The following ANGPTL3 variants were observed in gnomAD, a reference collection of about 807,000 sequenced individuals.
The protein encoded by ANGPTL3 is angiopoietin like 3, also known as angiopoietin-related protein 3.
Under a neutral mutation model 52.7 loss-of-function variants are expected in ANGPTL3, and 51 were observed. The observed-to-expected ratio is 0.97, with a 90% CI of 0.77 to 1.22. The LOEUF (loss-of-function observed/expected upper bound fraction) is 1.22. Ranked by LOEUF, ANGPTL3 falls within the 50% of genes most tolerant of loss-of-function variation. ANGPTL3 has a pLI of 0.00. For synonymous variants in ANGPTL3, 185 were observed against 179.8 expected, an observed-to-expected ratio of 1.03 and a Z score of -0.23; for missense variants, 506 against 520.7, an observed-to-expected ratio of 0.97 and a Z score of 0.27.
At chr1:62,602,943 A>ATT (rs1432089566) in intron 5 of ANGPTL3, among the ~76,000 whole-genome samples, 1 of 151,774 alleles carries the variant, frequency 6.6e-6, no homozygotes, top group African/African-American at 2.4e-5. Context: ...AAAATAACAG[A>ATT]TGTTTAAAAT....
chr1:62,604,532 T>C, intron 6 of ANGPTL3, 101 bp from the exon 7 acceptor site: 1 of 1,251,110 alleles, frequency 8.0e-7, no homozygotes, highest in Non-Finnish European at 1.2e-6. Flanking sequence ...TCTAAAACAC[T>C]GTAATATTTA....
Position 62,601,033 on chromosome 1 carries a change from TTG to T in ANGPTL3, c.607-47_607-46del, listed in dbSNP as rs72649577. On this transcript the variant is annotated intron_variant, in intron 2 of 6. Transcript: ENST00000371129. ...ACATCCTTACTCAGATTTCCCCTAA[TTG>T]TATATTCAGTATCATTTTAAAAAAC... The T allele has an allele frequency of 0.03, 32,523 of 1,073,510 alleles. 618 individuals are homozygous for T. Among genetic ancestry groups the T allele is most frequent in the Non-Finnish European group, 0.034 (23,796 of 690,810 alleles). The allele number at this position is 1,073,510 out of a possible 1,614,324, so 66.5% of individuals were successfully genotyped here. A position where few individuals can be genotyped will look rare whatever the true frequency, so the allele number is the denominator to read the frequency against.
intron 1 of ANGPTL3, 140 bp from the exon 2 acceptor site, chr1:62,598,556 C>T: frequency 1.6e-6 from 1 of 630,200 alleles, no homozygotes; most frequent in South Asian, 1.9e-5. Context: ...TTGAAAGAAG[C>T]ATACAAGGGG....
rs943295099 is a variant in ANGPTL3, at chr1:62,602,686, T to C, written c.931+306T>C. Among the ~76,000 whole-genome samples, 18 of 151,712 alleles carry C rather than the reference T, an allele frequency of 1.2e-4. 1 individual carries two copies. The highest frequency in any genetic ancestry group is 6.6e-4 in the Admixed American group (10 of 15,224). ...ACAATTTTGATTAAATGTTATGTCA[T>C]AAGTAGTAACTGTTACAAATAAGCT... On this transcript the variant is annotated intron_variant, in intron 5 of 6. Coordinates refer to ENST00000371129, the MANE Select transcript of ANGPTL3 (RefSeq NM_014495.4).
At chr1:62,601,047 T>A (rs375486098) in intron 2 of ANGPTL3, 35 bp from the exon 3 acceptor site, 91 of 1,245,378 alleles carry the variant, frequency 7.3e-5, no homozygotes, top group South Asian at 6.6e-4. Flanking sequence ...ATATTCAGTA[T>A]CATTTTAAAA....
chr1:62,604,865 A>T lies in ANGPTL3; in HGVS notation c.*48A>T. On this transcript the variant is annotated 3_prime_UTR_variant, in exon 7 of 7. Transcript: ENST00000371129. ...ATAATTTAAACATTAACCTCATTCC[A>T]AGTTAATGTGGTCTAATAATCTGGT... The T allele has an allele frequency of 3.9e-6, 6 of 1,536,370 alleles. No individual in the cohort carries two copies. The highest frequency in any genetic ancestry group is 4.5e-6 in the Non-Finnish European group (5 of 1,122,736).
In ANGPTL3 at chr1:62,604,183, T is replaced by C; in HGVS notation, c.1146T>C (p.Ser382=). The part of the protein sequence containing the change: ...AIPENKDLVF[S]TWDHKAKGHF... Reference sequence around the variant, plus strand: ...CGGAAAACAAAGATTTGGTGTTTTCTACTTGGGATCACAAAGCAAAAGGAC... The same window carrying C: ...CGGAAAACAAAGATTTGGTGTTTTCCACTTGGGATCACAAAGCAAAAGGAC... Residue 382 remains serine (S), a synonymous_variant, in exon 6 of 7, where the codon TCT becomes TCC. Coordinates refer to ENST00000371129, the MANE Select transcript of ANGPTL3 (RefSeq NM_014495.4). 1 of 1,613,400 alleles carries C rather than the reference T, an allele frequency of 6.2e-7. No homozygotes were observed. The highest frequency in any genetic ancestry group is 8.5e-7 in the Non-Finnish European group (1 of 1,179,460).
At position 62,601,856 on chromosome 1, in the gene ANGPTL3, T is replaced by C; in HGVS notation, c.809T>C (p.Phe270Ser). The C allele has an allele frequency of 6.2e-7, 1 of 1,609,420 alleles. No individual in the cohort carries two copies. Among genetic ancestry groups the C allele is most frequent in the Non-Finnish European group, 8.5e-7 (1 of 1,176,542 alleles). ...YAIRPSNSQV[F>S]HVYCDVISGS... ...ATCAGACCCAGCAACTCTCAAGTTT[T>C]TCATGTCTACTGTGATGTTATATCA... The change falls in exon 4 of 7, where the codon TTT (phenylalanine) becomes TCT (serine). Residue 270 changes from phenylalanine to serine, a missense_variant. Physicochemically the swap from Phe to Ser is radical, Grantham distance 155 (BLOSUM62 -2). Coordinates refer to ENST00000371129, the MANE Select transcript of ANGPTL3 (RefSeq NM_014495.4).
chr1:62,604,224 A>G lies in ANGPTL3; in HGVS notation c.1187A>G (p.Glu396Gly), dbSNP rs763633329. Residue 396 changes from glutamate (E) to glycine (G), a missense_variant, in exon 6 of 7, where the codon GAG becomes GGG. Coordinates refer to ENST00000371129, the MANE Select transcript of ANGPTL3 (RefSeq NM_014495.4). Reference protein sequence around the residue: ...HKAKGHFNCPEGYSGGWWWHD... With the variant: ...HKAKGHFNCPGGYSGGWWWHD... ...GCAAAAGGACACTTCAACTGTCCAG[A>G]GGGTTATTCAGGTATCTTTTTCTGA... The G allele has an allele frequency of 8.7e-6, 14 of 1,613,018 alleles. No individual in the cohort carries two copies. The highest frequency in any genetic ancestry group is 1.1e-5 in the Non-Finnish European group (13 of 1,179,284).
In ANGPTL3 at chr1:62,603,952, A is replaced by G; in HGVS notation, c.932-17A>G. 6.2e-7 allele frequency: 1 copy of G among 1,611,286 alleles called. No homozygotes were observed. Among genetic ancestry groups the G allele is most frequent in the Admixed American group, 1.7e-5 (1 of 59,892 alleles). On this transcript the variant is annotated splice_polypyrimidine_tract_variant and intron_variant, in intron 5 of 6. Coordinates refer to ENST00000371129, the MANE Select transcript of ANGPTL3 (RefSeq NM_014495.4). ...TGTACTTAATAACTCACAGATTTTT[A>G]AAACTTTTCTTTTCAGGAGAATTTT...
rs1397808641 is a variant in ANGPTL3 at position 62,597,883 on chromosome 1, T to A, written c.317T>A (p.Leu106Gln). The A allele has an allele frequency of 1.3e-6, 2 of 1,576,488 alleles. No individual in the cohort carries two copies. The highest frequency in any genetic ancestry group is 1.9e-5 in the Admixed American group (1 of 51,890). ...GAACTGAGAAGAACTACATATAAAC[T>A]ACAAGTCAAAAATGAAGAGGTAAAG... ...EKELRRTTYK[L>Q]QVKNEEVKNM... is the part of the protein sequence containing the mutation. Residue 106 changes from leucine to glutamine, a missense_variant, in exon 1 of 7, where the codon CTA becomes CAA. Coordinates refer to ENST00000371129, the MANE Select transcript of ANGPTL3 (RefSeq NM_014495.4).
chr1:62,602,944 T>A (rs1252973172), intron 5 of ANGPTL3, among the ~76,000 whole-genome samples: 1 of 151,722 alleles, frequency 6.6e-6, no homozygotes, highest in Admixed American at 6.6e-5. Flanking sequence ...AAATAACAGA[T>A]GTTTAAAATC....
At chr1:62,598,502 T>C (rs146285071) in intron 1 of ANGPTL3, among the ~76,000 whole-genome samples, 194 bp from the exon 2 acceptor site, 64 of 152,166 alleles carry the variant, frequency 4.2e-4, no homozygotes, top group Admixed American at 1.3e-3. Context: ...ATTTTAGAGA[T>C]AGTACAATTT....
At chr1:62,601,015 TA>T (rs1650034175) in intron 2 of ANGPTL3, 66 bp from the exon 3 acceptor site, 1 of 920,710 alleles carries the variant, frequency 1.1e-6, no homozygotes, top group Admixed American at 1.7e-5. Context: ...CTGACATCCT[TA>T]CTCAGATTTC....
chr1:62,604,560 CT>C, intron 6 of ANGPTL3, 72 bp from the exon 7 acceptor site: 1 of 1,462,596 alleles, frequency 6.8e-7, no homozygotes, highest in Admixed American at 1.7e-5. Context: ...GGAAGATAAA[CT>C]TACGGGGAAA....
rs534688300 is a variant in ANGPTL3, at chr1:62,606,094, G to A, written c.*1277G>A. 46 of 151,852 alleles carry A rather than the reference G, an allele frequency of 3.0e-4. No homozygotes were observed. The highest frequency in any genetic ancestry group is 1.1e-3 in the African/African-American group (46 of 41,454). 9.4% of individuals were successfully genotyped at this position (151,852 alleles called of 1,614,324 possible). ...TATATAAAAGATATGTATGATCTAT[G>A]TGAATCCTAAGTAAATATTTTGTTC... On this transcript the variant is annotated 3_prime_UTR_variant, in exon 7 of 7. Coordinates refer to ENST00000371129, the MANE Select transcript of ANGPTL3 (RefSeq NM_014495.4).
At chr1:62,603,533 T>G (rs574639651) in intron 5 of ANGPTL3, among the ~76,000 whole-genome samples, 1 of 151,932 alleles carries the variant, frequency 6.6e-6, no homozygotes, top group East Asian at 1.9e-4. Flanking sequence ...AGGTTTACAT[T>G]TGAAGAAAGT....
intron 2 of ANGPTL3, among the ~76,000 whole-genome samples, chr1:62,600,847 A>T (rs151095319): frequency 1.4e-3 from 207 of 151,928 alleles, no homozygotes; most frequent in African/African-American, 4.8e-3. Flanking sequence ...TTTCCGACCA[A>T]TGTCTGCTTT....
chr1:62,600,005 A>T (rs78491480), intron 2 of ANGPTL3, among the ~76,000 whole-genome samples: 2 of 152,112 alleles, frequency 1.3e-5, no homozygotes, highest in East Asian at 3.9e-4. Flanking sequence ...TAAAACAAAT[A>T]TTATTACCAA....
Sources: allele counts gnomAD v4.1 joint callset (sites outside exome capture counted in the v4.1 genomes callset), GRCh38; gene constraint gnomAD v4.1.1; transcripts MANE v1.5; gene names NCBI Gene and HGNC (gene_info 2026-07-23, HGNC 2026-07-21).